DMD: variants seen among roughly 807,000 people sequenced by gnomAD.
The protein encoded by DMD is mutant dystrophin.
Under a neutral mutation model 330.1 loss-of-function variants are expected in DMD, and 63 were observed. That is an observed-to-expected ratio of 0.19 (90% CI 0.16 to 0.24). The LOEUF (loss-of-function observed/expected upper bound fraction) is 0.24. Among genes scored for constraint, DMD ranks in the 10% least tolerant of loss-of-function variants. The probability of loss-of-function intolerance (pLI) is 1.00; values close to 1 mark genes in which losing one functional copy is unlikely to be tolerated. For missense variants in DMD, 3,344 were observed against 2,684.1 expected, an observed-to-expected ratio of 1.25 and a Z score of -5.43; for synonymous variants, 1,223 against 959.8, an observed-to-expected ratio of 1.27 and a Z score of -5.07.
intron 1 of DMD, among the ~76,000 whole-genome samples, chrX:33,097,203 A>G (rs983269465): frequency 3.6e-5 from 4 of 110,649 alleles, no homozygotes; most frequent in Admixed American, 2.0e-4. Flanking sequence ...AAAATACTGT[A>G]TTTTTTAAGA....
intron 42 of DMD, among the ~76,000 whole-genome samples, chrX:32,299,071 C>G (rs2097510054): frequency 9.1e-6 from 1 of 109,802 alleles, no homozygotes; most frequent in South Asian, 3.9e-4. Flanking sequence ...GAAATCCAGT[C>G]CACATTTTGC....
chrX:32,576,463 G>A (rs1481177134), intron 13 of DMD, among the ~76,000 whole-genome samples: 2 of 110,177 alleles, frequency 1.8e-5, no homozygotes, highest in Non-Finnish European at 3.8e-5. Flanking sequence ...CAAGCACTGC[G>A]ATACCATGAC....
intron 18 of DMD, among the ~76,000 whole-genome samples, chrX:32,503,595 G>C (rs780300715): frequency 9.0e-6 from 1 of 110,908 alleles, no homozygotes; most frequent in African/African-American, 3.3e-5. Context: ...TCACTCTGTC[G>C]CCCAGGCTGG....
In DMD at chrX:32,264,382, G is replaced by A. The variant is rs908098979; in HGVS notation, c.6290+23147C>T. 6.3e-5 allele frequency among the ~76,000 whole-genome samples: 7 copies of A among 111,764 alleles called. No homozygotes were observed. The East Asian group carries it at 1.7e-3, about 27-fold the overall frequency. On this transcript the variant is annotated intron_variant, in intron 43 of 78. Coordinates refer to ENST00000357033, the MANE Select transcript of DMD (RefSeq NM_004006.3). ...CAGGTAGTTCTTTATAGCAGCATGA[G>A]AACAGACTAATACAGTAAATTGGTA...
intron 47 of DMD, among the ~76,000 whole-genome samples, chrX:31,891,656 C>T (rs1469492806): frequency 8.9e-6 from 1 of 111,996 alleles, no homozygotes; most frequent in African/African-American, 3.2e-5. Context: ...TGTGTAGTTA[C>T]GTATTAGGGC....
chrX:32,865,042 CCTTTA>C (rs1406853612), intron 2 of DMD, among the ~76,000 whole-genome samples: 1 of 111,082 alleles, frequency 9.0e-6, no homozygotes, highest in African/African-American at 3.3e-5. Flanking sequence ...AGCAAATAGG[CCTTTA>C]TTTATTACAG....
At chrX:32,601,919 AT>A (rs2056251967) in intron 12 of DMD, among the ~76,000 whole-genome samples, 1 of 112,224 alleles carries the variant, frequency 8.9e-6, no homozygotes, top group South Asian at 3.6e-4. Flanking sequence ...AGCCATATTT[AT>A]ATCAAAGTTT....
At chrX:31,956,962 G>T (rs1168308792) in intron 45 of DMD, among the ~76,000 whole-genome samples, 1 of 112,128 alleles carries the variant, frequency 8.9e-6, no homozygotes, top group Non-Finnish European at 1.9e-5. Flanking sequence ...GCACTATCTA[G>T]AATTCTTTCC....
intron 57 of DMD, among the ~76,000 whole-genome samples, chrX:31,483,293 G>A (rs933720329): frequency 1.4e-4 from 15 of 110,208 alleles, no homozygotes; most frequent in East Asian, 2.8e-4. Flanking sequence ...TGATCTGCCC[G>A]CCTTGGCCTC....
chrX:33,052,749 T>C (rs746982337), intron 1 of DMD, among the ~76,000 whole-genome samples: 3 of 111,980 alleles, frequency 2.7e-5, no homozygotes, highest in African/African-American at 9.7e-5. Context: ...TAATCAATAG[T>C]AAATACTATA....
At chrX:32,008,717 T>C (rs1457782832) in intron 44 of DMD, among the ~76,000 whole-genome samples, 3 of 111,588 alleles carry the variant, frequency 2.7e-5, no homozygotes, top group African/African-American at 9.8e-5. Flanking sequence ...GGGAGAATCA[T>C]TTAACTGTTC....
At chrX:32,260,790 C>T (rs60451747) in intron 43 of DMD, among the ~76,000 whole-genome samples, 6 of 106,584 alleles carry the variant, frequency 5.6e-5, no homozygotes, top group Middle Eastern at 4.8e-3. Flanking sequence ...TCTGCTTCTT[C>T]GAATCAAAGC....
chrX:32,987,848 G>A (rs2092883097), intron 2 of DMD, among the ~76,000 whole-genome samples: 1 of 109,422 alleles, frequency 9.1e-6, no homozygotes, highest in South Asian at 4.1e-4. Context: ...GTGCCCAGAT[G>A]AGGGTGTATC....
chrX:31,215,174 C>T (rs1216671217), intron 64 of DMD, among the ~76,000 whole-genome samples: 1 of 108,497 alleles, frequency 9.2e-6, no homozygotes, highest in East Asian at 2.9e-4. Flanking sequence ...AACTCCTGAC[C>T]TCGTGATCTG....
At chrX:31,633,816 A>C (rs922887206) in intron 54 of DMD, among the ~76,000 whole-genome samples, 2 of 112,526 alleles carry the variant, frequency 1.8e-5, no homozygotes, top group Non-Finnish European at 3.8e-5. Context: ...AAAACCTTTT[A>C]GATATACAGT....
chrX:32,923,549 G>A (rs1361966248), intron 2 of DMD, among the ~76,000 whole-genome samples: 1 of 109,499 alleles, frequency 9.1e-6, no homozygotes, highest in Non-Finnish European at 1.9e-5. Flanking sequence ...CAACAGAAGT[G>A]AGATCTTAAA....
At chrX:32,843,188 G>A (rs7884312) in intron 4 of DMD, among the ~76,000 whole-genome samples, 25,219 of 111,066 alleles carry the variant, frequency 0.23, 3,177 homozygotes, top group African/African-American at 0.47. Context: ...TTCTTGCTGG[G>A]GACAGTCAAG....
chrX:32,568,256 T>C, intron 15 of DMD, among the ~76,000 whole-genome samples: 1 of 112,048 alleles, frequency 8.9e-6, no homozygotes, highest in East Asian at 2.8e-4. Context: ...ACGCCTATAA[T>C]CTCAGCACTT....
intron 60 of DMD, among the ~76,000 whole-genome samples, chrX:31,410,892 C>T (rs1201895187): frequency 9.4e-6 from 1 of 106,033 alleles, no homozygotes; most frequent in Non-Finnish European, 1.9e-5. Context: ...GCATGTACCG[C>T]CATACCTGGC....
Sources: allele counts gnomAD v4.1 joint callset (sites outside exome capture counted in the v4.1 genomes callset), GRCh38; gene constraint gnomAD v4.1.1; transcripts MANE v1.5; gene names NCBI Gene and HGNC (gene_info 2026-07-23, HGNC 2026-07-21).